Variants in MTMR7 observed in about 807,000 individuals in gnomAD.
MTMR7 encodes the protein phosphatidylinositol-3-phosphate phosphatase MTMR7.
In MTMR7, 76 loss-of-function variants were observed where a neutral mutation model predicts 81.2. The ratio of observed to expected loss-of-function variants is 0.94; its 90% CI spans 0.78 to 1.13. MTMR7 has a LOEUF of 1.13. MTMR7 is among the 50% of genes most tolerant of loss of function. The pLI is 0.00. For missense variants in MTMR7, 1,044 were observed against 820.0 expected (o/e 1.27, Z -3.34); for synonymous variants, 372 against 289.8 (o/e 1.28, Z -2.88).
intron 7 of MTMR7, among the ~76,000 whole-genome samples, chr8:17,316,191 GTAA>G (rs1048314701): frequency 6.6e-6 from 1 of 151,896 alleles, no homozygotes; most frequent in Non-Finnish European, 1.5e-5. Flanking sequence ...CTGTAAAATG[GTAA>G]TAATAGCCTC....
In MTMR7 at chr8:17,404,498, C is replaced by A. The variant is rs974876299; in HGVS notation, c.24+8771G>T. 5.3e-5 allele frequency among the ~76,000 whole-genome samples: 8 copies of A among 152,086 alleles called. No homozygotes were observed. In the East Asian group the frequency reaches 1.5e-3, roughly 29 times the overall value. On this transcript the variant is annotated intron_variant, in intron 1 of 13. Coordinates refer to ENST00000180173, the MANE Select transcript of MTMR7 (RefSeq NM_004686.5). ...ATGGATCTTATCAGTACTATCAGTACTATTATTGTATTGCTCTTGTTACAA... is the reference window on the plus strand; with the variant it reads ...ATGGATCTTATCAGTACTATCAGTAATATTATTGTATTGCTCTTGTTACAA...
At chr8:17,406,469 A>G (rs1304936453) in intron 1 of MTMR7, among the ~76,000 whole-genome samples, 1 of 152,198 alleles carries the variant, frequency 6.6e-6, no homozygotes, top group African/African-American at 2.4e-5. Context: ...TGAATGGCTA[A>G]AATAAAAAAC....
intron 5 of MTMR7, among the ~76,000 whole-genome samples, chr8:17,345,823 C>A (rs1586225877): frequency 6.6e-6 from 1 of 152,304 alleles, no homozygotes; most frequent in South Asian, 2.1e-4. Context: ...TTAGCCAAGT[C>A]ATCTCACCAC....
chr8:17,297,304 A>G lies in MTMR7; in HGVS notation c.*2558T>C, dbSNP rs1393314236. 2 of 152,142 alleles carry G rather than the reference A, an allele frequency of 1.3e-5. No individual in the cohort carries two copies. The highest frequency in any genetic ancestry group is 4.8e-5 in the African/African-American group (2 of 41,452). 9.4% of individuals were successfully genotyped at this position (152,142 alleles called of 1,614,324 possible). On this transcript the variant is annotated 3_prime_UTR_variant, in exon 14 of 14. Coordinates refer to ENST00000180173, the MANE Select transcript of MTMR7 (RefSeq NM_004686.5). ...AATCAGTGAGATATAAACTAAACAG[A>G]CCCACTTCAAAGTTGAAAGAAATTT...
chr8:17,327,132 T>C (rs1220356039), intron 7 of MTMR7, among the ~76,000 whole-genome samples: 1 of 152,196 alleles, frequency 6.6e-6, no homozygotes, highest in Non-Finnish European at 1.5e-5. Context: ...TCTTCACATT[T>C]AGTATTTTTC....
At chr8:17,384,087 A>G (rs1056098067) in intron 1 of MTMR7, among the ~76,000 whole-genome samples, 1 of 152,176 alleles carries the variant, frequency 6.6e-6, no homozygotes, top group Non-Finnish European at 1.5e-5. Context: ...GAGAGGGGAA[A>G]AAAGCATACA....
At chr8:17,362,632 G>A (rs912904531) in intron 3 of MTMR7, among the ~76,000 whole-genome samples, 21 of 152,084 alleles carry the variant, frequency 1.4e-4, no homozygotes, top group South Asian at 8.3e-4. Context: ...CTCCCCAAAC[G>A]CAGATCCTTC....
chr8:17,362,215 C>A (rs191975442), intron 3 of MTMR7, among the ~76,000 whole-genome samples: 10 of 152,280 alleles, frequency 6.6e-5, no homozygotes, highest in African/African-American at 2.4e-4. Context: ...ATTATCACTT[C>A]AACATGTGCA....
chr8:17,323,046 C>G (rs11780818), intron 7 of MTMR7, among the ~76,000 whole-genome samples: 18,848 of 149,090 alleles, frequency 0.13, 1,627 homozygotes, highest in East Asian at 0.32. Context: ...CTCCCGGATT[C>G]AAGCAATTCT....
intron 7 of MTMR7, among the ~76,000 whole-genome samples, chr8:17,315,404 A>G (rs1357182272): frequency 5.1e-5 from 3 of 58,322 alleles, no homozygotes; most frequent in Admixed American, 1.5e-4. Context: ...CAGTGGTTAC[A>G]TTTATTAAAC....
chr8:17,318,710 C>T (rs1466072480), intron 7 of MTMR7, among the ~76,000 whole-genome samples: 2 of 152,146 alleles, frequency 1.3e-5, no homozygotes, highest in African/African-American at 4.8e-5. Flanking sequence ...TGGAAGGTGA[C>T]GTGAAGTGGC....
At chr8:17,387,994 A>T (rs929879800) in intron 1 of MTMR7, among the ~76,000 whole-genome samples, 1 of 152,214 alleles carries the variant, frequency 6.6e-6, no homozygotes, top group Non-Finnish European at 1.5e-5. Context: ...ATACAAGCTA[A>T]AATAGTGACA....
At chr8:17,333,515 A>G (rs2285283) in intron 6 of MTMR7, among the ~76,000 whole-genome samples, 3 of 152,030 alleles carry the variant, frequency 2.0e-5, no homozygotes, top group Non-Finnish European at 4.4e-5. Flanking sequence ...AGTGAAGCCT[A>G]TTCACCACAT....
intron 12 of MTMR7, among the ~76,000 whole-genome samples, chr8:17,303,047 G>A (rs1325336772): frequency 6.6e-6 from 1 of 151,932 alleles, no homozygotes; most frequent in Admixed American, 6.6e-5. Context: ...AAAAGCAACT[G>A]GAGTGCAAAT....
At chr8:17,375,805 G>C (rs1172369200) in intron 1 of MTMR7, among the ~76,000 whole-genome samples, 1 of 151,828 alleles carries the variant, frequency 6.6e-6, no homozygotes, top group Non-Finnish European at 1.5e-5. Flanking sequence ...TTTTTTCCTT[G>C]TATAATAGCA....
chr8:17,399,588 C>G (rs1347464146), intron 1 of MTMR7, among the ~76,000 whole-genome samples: 1 of 152,102 alleles, frequency 6.6e-6, no homozygotes, highest in Non-Finnish European at 1.5e-5. Context: ...CAATCCCTAT[C>G]AAAATGCCAA....
At chr8:17,330,472 G>T (rs959399122) in intron 7 of MTMR7, among the ~76,000 whole-genome samples, 2 of 152,266 alleles carry the variant, frequency 1.3e-5, no homozygotes, top group South Asian at 2.1e-4. Flanking sequence ...TGATCACAAG[G>T]AGCAGAAGCA....
At chr8:17,367,887 A>C (rs1056378654) in intron 3 of MTMR7, among the ~76,000 whole-genome samples, 1 of 87,050 alleles carries the variant, frequency 1.1e-5, no homozygotes, top group African/African-American at 4.2e-5. Flanking sequence ...TTTTTTTTCT[A>C]TTTTTAAAGT....
At chr8:17,339,821 T>C (rs13251449) in intron 6 of MTMR7, among the ~76,000 whole-genome samples, 14,586 of 152,334 alleles carry the variant, frequency 0.096, 971 homozygotes, top group Non-Finnish European at 0.15. Flanking sequence ...AAAGTCCTTA[T>C]GCTCTTTTAC....
Sources: gnomAD v4.1 joint callset for allele counts (sites outside exome capture counted in the v4.1 genomes callset) on GRCh38, gnomAD v4.1.1 for gene constraint, MANE v1.5 for transcripts, NCBI Gene and HGNC (gene_info 2026-07-23, HGNC 2026-07-21) for gene names.